Variants in N4BP1 observed in about 807,000 individuals in gnomAD.
N4BP1 encodes the protein NEDD4 binding protein 1.
A neutral mutation model predicts 70.9 loss-of-function variants in N4BP1; 21 were observed. The ratio of observed to expected loss-of-function variants is 0.30; its 90% CI spans 0.21 to 0.43. N4BP1 has a LOEUF of 0.43. N4BP1 is among the 20% of genes least tolerant of loss of function. The probability of loss-of-function intolerance (pLI) is 1.00; values close to 1 mark genes in which losing one functional copy is unlikely to be tolerated. For synonymous variants in N4BP1, 387 were observed against 394.6 expected (o/e 0.98, Z 0.23); for missense variants, 936 against 1,069.4 (o/e 0.88, Z 1.74).
rs114887855 is a variant in N4BP1 at position 48,590,510 on chromosome 16, G to A, written c.198+19265C>T. ...GGTTACAAATTTGGAGGCTTGTCCAGGATTGCTCTTGTGGCTACCTGCCTG... is the reference window on the plus strand; with the variant it reads ...GGTTACAAATTTGGAGGCTTGTCCAAGATTGCTCTTGTGGCTACCTGCCTG... On this transcript the variant is annotated intron_variant, in intron 1 of 6. Transcript: ENST00000262384. Among the ~76,000 whole-genome samples, 776 of 152,274 alleles carry A rather than the reference G, an allele frequency of 5.1e-3. 5 individuals carry two copies. Among genetic ancestry groups the A allele is most frequent in the African/African-American group, 0.018 (757 of 41,546 alleles).
At chr16:48,553,993 C>T (rs1396567888) in intron 2 of N4BP1, among the ~76,000 whole-genome samples, 1 of 152,046 alleles carries the variant, frequency 6.6e-6, no homozygotes, top group East Asian at 1.9e-4. Context: ...TGGTCATAAC[C>T]CCTGCAACCT....
intron 4 of N4BP1, 65 bp from the exon 5 acceptor site, chr16:48,548,179 TAAG>T (rs1288312530): frequency 4.4e-6 from 4 of 917,160 alleles, no homozygotes; most frequent in Non-Finnish European, 3.6e-6. Flanking sequence ...AGCCATGTTA[TAAG>T]AAGAGAATAT....
intron 1 of N4BP1, among the ~76,000 whole-genome samples, chr16:48,592,682 A>G (rs1010232929): frequency 1.1e-4 from 17 of 152,260 alleles, no homozygotes; most frequent in Admixed American, 5.9e-4. Context: ...TTGGTAATAA[A>G]CAGTTTTAAA....
Position 48,547,982 on chromosome 16 carries a change from CCAAAGA to C in N4BP1, c.2225+19_2225+24del, listed in dbSNP as rs762276743. 14 of 1,432,046 alleles carry C rather than the reference CCAAAGA, an allele frequency of 9.8e-6. No individual in the cohort carries two copies. The Admixed American group carries it at 1.2e-4, about 13-fold the overall frequency. The allele number at this position is 1,432,046 out of a possible 1,614,324, so 88.7% of individuals were successfully genotyped here. A position where few individuals can be genotyped will look rare whatever the true frequency, so the allele number is the denominator to read the frequency against. ...ACAATTAAAAACAAAACTTTTCTGA[CCAAAGA>C]CAAAGAAGAAAATATTACCTTTTTG... On this transcript the variant is annotated intron_variant, in intron 5 of 6. Transcript: ENST00000262384.
intron 1 of N4BP1, among the ~76,000 whole-genome samples, chr16:48,598,073 T>A (rs2151101388): frequency 6.6e-6 from 1 of 152,248 alleles, no homozygotes; most frequent in African/African-American, 2.4e-5. Context: ...AAGTGGAACA[T>A]CCCAGACAAA....
intron 1 of N4BP1, chr16:48,577,731 T>C: frequency 5.5e-6 from 1 of 180,458 alleles, no homozygotes; most frequent in East Asian, 1.5e-4. Context: ...AGCTCCTGGC[T>C]GAGGTGTAGC....
intron 1 of N4BP1, among the ~76,000 whole-genome samples, chr16:48,589,303 G>A (rs1294279631): frequency 6.6e-6 from 1 of 152,122 alleles, no homozygotes; most frequent in Admixed American, 6.5e-5. Flanking sequence ...GACCAAAGTA[G>A]GATGACAGGG....
intron 2 of N4BP1, among the ~76,000 whole-genome samples, chr16:48,559,503 G>A (rs1963820061): frequency 6.6e-6 from 1 of 152,292 alleles, no homozygotes; most frequent in South Asian, 2.1e-4. Context: ...GCCTAAAGGT[G>A]CCTCCATACA....
At position 48,565,983 on chromosome 16, in the gene N4BP1, G is replaced by C. The variant is rs147648095; in HGVS notation, c.199-3539C>G. ...CACCCTGGTTTCATTCCTGATATTA[G>C]TAGTTTGCAGCTTCTCTCATCTTTG... On this transcript the variant is annotated intron_variant, in intron 1 of 6. Transcript: ENST00000262384. Among the ~76,000 whole-genome samples, 14 of 152,126 alleles carry C rather than the reference G, an allele frequency of 9.2e-5. No individual in the cohort carries two copies. In the East Asian group the frequency reaches 2.7e-3, roughly 29 times the overall value.
Position 48,561,960 on chromosome 16 carries a change from T to G in N4BP1, c.683A>C (p.Asp228Ala), listed in dbSNP as rs769519588. 1.2e-6 allele frequency: 2 copies of G among 1,613,858 alleles called. No homozygotes were observed. Among genetic ancestry groups the G allele is most frequent in the African/African-American group, 2.7e-5 (2 of 74,932 alleles). The part of the protein sequence containing the change: ...NAATGLNISR[D>A]ETVLQEEARN... ...TGCCTCTTCCTGCAAAACAGTTTCA[T>G]CTCTAGAAATATTCAGCCCTGTGGC... The change falls in exon 2 of 7, where the codon GAT (aspartate) becomes GCT (alanine). Residue 228 changes from aspartate to alanine, a missense_variant. By Grantham distance (126) the Asp-to-Ala change is moderately radical. Coordinates refer to ENST00000262384, the MANE Select transcript of N4BP1 (RefSeq NM_153029.4).
intron 1 of N4BP1, among the ~76,000 whole-genome samples, chr16:48,568,017 G>A (rs1442012625): frequency 3.3e-5 from 5 of 152,152 alleles, no homozygotes; most frequent in Non-Finnish European, 7.3e-5. Flanking sequence ...GAGCCTATGA[G>A]AATTATTCAA....
chr16:48,560,993 A>T lies in N4BP1; in HGVS notation c.1650T>A (p.Ser550Arg). The change falls in exon 2 of 7, where the codon AGT becomes AGA. Residue 550 changes from serine (S) to arginine (R), a missense_variant. This residue lies in a region of N4BP1 where 515 missense variants were observed against 491.7 expected (regional missense o/e 1.05). Coordinates refer to ENST00000262384, the MANE Select transcript of N4BP1 (RefSeq NM_153029.4). ...AGCAATTTGGCTTAGAATGAGGAGA[A>T]CTACAACATCCTAAACGTTTTTCAC... ...SACEKRLGCC[S>R]SPHSKPNCST... 6.2e-7 allele frequency: 1 copy of T among 1,614,042 alleles called. No individual in the cohort carries two copies. Among genetic ancestry groups the T allele is most frequent in the Non-Finnish European group, 8.5e-7 (1 of 1,179,882 alleles).
At chr16:48,586,366 C>G (rs778714267) in intron 1 of N4BP1, among the ~76,000 whole-genome samples, 45 of 152,174 alleles carry the variant, frequency 3.0e-4, no homozygotes, top group Non-Finnish European at 5.7e-4. Flanking sequence ...TTAATATAAC[C>G]ACAATGTCAT....
At chr16:48,580,730 A>G (rs1964164026) in intron 1 of N4BP1, among the ~76,000 whole-genome samples, 1 of 152,172 alleles carries the variant, frequency 6.6e-6, no homozygotes, top group Non-Finnish European at 1.5e-5. Context: ...CCATGGATTC[A>G]ACCAACCACA....
At chr16:48,606,949 T>C (rs191736408) in intron 1 of N4BP1, among the ~76,000 whole-genome samples, 3 of 152,320 alleles carry the variant, frequency 2.0e-5, no homozygotes, top group Admixed American at 2.0e-4. Flanking sequence ...TTCCTGTTCT[T>C]AGTTTTTAAA....
chr16:48,551,926 G>C (rs1963671937), intron 3 of N4BP1, among the ~76,000 whole-genome samples: 1 of 152,128 alleles, frequency 6.6e-6, no homozygotes, highest in Admixed American at 6.5e-5. Context: ...GCTGAGGCAG[G>C]AGAATCGCTT....
chr16:48,560,195 AATG>A (rs1359358027), intron 2 of N4BP1, among the ~76,000 whole-genome samples: 1 of 152,202 alleles, frequency 6.6e-6, no homozygotes, highest in Non-Finnish European at 1.5e-5. Flanking sequence ...AGGTTCATTA[AATG>A]ATGTCTTTTA....
intron 1 of N4BP1, among the ~76,000 whole-genome samples, chr16:48,589,643 G>A (rs1053680248): frequency 6.6e-6 from 1 of 152,126 alleles, no homozygotes; most frequent in Non-Finnish European, 1.5e-5. Context: ...CCCATGGAGT[G>A]AGTTGTGAGA....
intron 1 of N4BP1, among the ~76,000 whole-genome samples, chr16:48,566,935 T>C (rs762466464): frequency 5.3e-5 from 8 of 152,364 alleles, no homozygotes; most frequent in South Asian, 2.1e-4. Flanking sequence ...TCTTCTTGAA[T>C]TGACCCTCTT....
Sources: allele counts gnomAD v4.1 joint callset (sites outside exome capture counted in the v4.1 genomes callset), GRCh38; gene constraint gnomAD v4.1.1; regional missense constraint gnomAD v4.1.1; transcripts MANE v1.5; gene names NCBI Gene and HGNC (gene_info 2026-07-23, HGNC 2026-07-21).